Variants in SEPTIN2 observed in about 807,000 individuals in gnomAD.
The protein encoded by SEPTIN2 is septin 2, also known as septin-2.
In SEPTIN2, 34 loss-of-function variants were observed where a neutral mutation model predicts 46.5. The observed-to-expected ratio is 0.73, with a 90% CI of 0.56 to 0.97. SEPTIN2 has a LOEUF of 0.97. Among genes scored for constraint, SEPTIN2 ranks in the 50% least tolerant of loss-of-function variants. SEPTIN2 has a pLI of 0.00. For synonymous variants in SEPTIN2, 175 were observed against 153.4 expected, an observed-to-expected ratio of 1.14 and a Z score of -1.04; for missense variants, 347 against 448.4, an observed-to-expected ratio of 0.77 and a Z score of 2.04.
chr2:241,315,616 A>T (rs2076050298), upstream of SEPTIN2: 1 of 152,276 alleles, frequency 6.6e-6, no homozygotes, highest in Non-Finnish European at 1.5e-5. Context: ...ATAAGGTAGG[A>T]ACTGTGGCGA....
At chr2:241,328,262 C>G (rs1308155526) in intron 3 of SEPTIN2, among the ~76,000 whole-genome samples, 1 of 151,966 alleles carries the variant, frequency 6.6e-6, no homozygotes, top group Non-Finnish European at 1.5e-5. Context: ...TGGCAAAACC[C>G]CATCTCTACT....
chr2:241,329,392 C>T (rs148080684), intron 3 of SEPTIN2, among the ~76,000 whole-genome samples: 4 of 152,080 alleles, frequency 2.6e-5, no homozygotes, highest in South Asian at 2.1e-4. Flanking sequence ...CCTCTCAAAG[C>T]GCTAGGATTA....
intron 9 of SEPTIN2, among the ~76,000 whole-genome samples, chr2:241,344,382 C>T (rs1559659880): frequency 6.6e-6 from 1 of 152,142 alleles, no homozygotes; most frequent in Non-Finnish European, 1.5e-5. Context: ...ACAGACCTGA[C>T]TACAAAAATA....
chr2:241,331,591 A>T (rs369309918), intron 3 of SEPTIN2, among the ~76,000 whole-genome samples: 1 of 152,176 alleles, frequency 6.6e-6, no homozygotes, highest in Admixed American at 6.5e-5. Flanking sequence ...GCATTTTGTC[A>T]TATTGGCCAG....
intron 6 of SEPTIN2, 30 bp downstream of exon 6, chr2:241,337,546 T>C (rs759511312): frequency 6.2e-7 from 1 of 1,610,848 alleles, no homozygotes; most frequent in African/African-American, 1.3e-5. Context: ...GGAGAAATGC[T>C]TTACTACATG....
intron 1 of SEPTIN2, chr2:241,317,403 C>A: frequency 3.8e-6 from 1 of 266,066 alleles, no homozygotes; most frequent in Non-Finnish European, 5.8e-6. Context: ...TTCTGACTGG[C>A]TCTTAAACTA....
intron 7 of SEPTIN2, among the ~76,000 whole-genome samples, chr2:241,338,952 T>TA (rs2080821295): frequency 5.0e-5 from 5 of 100,998 alleles, no homozygotes; most frequent in East Asian, 2.5e-4. Flanking sequence ...ATATTATATA[T>TA]ATAATATATA....
Position 241,333,745 on chromosome 2 carries a change from C to T in SEPTIN2, c.131-1381C>T, listed in dbSNP as rs1041622885. Reference sequence around the variant, plus strand: ...GTCTTGAACTCCTGACCTCATGATCCGCCTGCCTCGGCCTCCCAAAGTGCT... The same window carrying T: ...GTCTTGAACTCCTGACCTCATGATCTGCCTGCCTCGGCCTCCCAAAGTGCT... On this transcript the variant is annotated intron_variant, in intron 3 of 12. Transcript: ENST00000391971. Among the ~76,000 whole-genome samples the T allele has an allele frequency of 5.3e-5, 8 of 152,224 alleles. No homozygotes were observed. In the East Asian group the frequency reaches 1.2e-3, roughly 22 times the overall value.
intron 3 of SEPTIN2, among the ~76,000 whole-genome samples, chr2:241,332,463 A>G (rs554154727): frequency 6.2e-4 from 94 of 152,344 alleles, no homozygotes; most frequent in African/African-American, 2.1e-3. Context: ...CATTGAAACC[A>G]TGAGATGCCA....
rs754791289 is a variant in SEPTIN2, at chr2:241,337,432, A to T, written c.392A>T (p.His131Leu). Residue 131 changes from histidine (H) to leucine (L), a missense_variant, in exon 6 of 13, where the codon CAT becomes CTT. His to Leu is a moderately conservative substitution (Grantham distance 99, BLOSUM62 -3). Transcript: ENST00000391971. The part of the protein sequence containing the change: ...YIDEQFERYL[H>L]DESGLNRRHI... ...GATGAGCAATTTGAGAGGTACCTGC[A>T]TGACGAGAGCGGCTTGAACAGGCGG... 2 of 1,614,116 alleles carry T rather than the reference A, an allele frequency of 1.2e-6. No homozygotes were observed. The highest frequency in any genetic ancestry group is 3.3e-5 in the Admixed American group (2 of 60,010).
Position 241,326,010 on chromosome 2 carries a change from T to A in SEPTIN2, c.27T>A (p.Phe9Leu). The A allele has an allele frequency of 1.2e-6, 2 of 1,613,254 alleles. No individual in the cohort carries two copies. The highest frequency in any genetic ancestry group is 1.7e-6 in the Non-Finnish European group (2 of 1,179,656). The stretch of plus-strand genomic sequence containing the variant: ...TTATTTAGCAACAGCCAACTCAGTT[T>A]ATAAATCCAGAAACACCTGGCTATG... MSKQQPTQFINPETPGYVG... is the reference protein window; with the variant it reads MSKQQPTQLINPETPGYVG... Residue 9 changes from phenylalanine (F) to leucine (L), a missense_variant, in exon 3 of 13, where the codon TTT becomes TTA. Coordinates refer to ENST00000391971, the MANE Select transcript of SEPTIN2 (RefSeq NM_004404.5).
chr2:241,325,605 C>T (rs919599820), intron 2 of SEPTIN2, among the ~76,000 whole-genome samples: 2 of 152,164 alleles, frequency 1.3e-5, no homozygotes, highest in African/African-American at 2.4e-5. Context: ...ATTCAAAGTA[C>T]TGTCAGCTGT....
chr2:241,343,534 G>A (rs1326471799), intron 8 of SEPTIN2, among the ~76,000 whole-genome samples: 1 of 152,088 alleles, frequency 6.6e-6, no homozygotes, highest in East Asian at 1.9e-4. Context: ...ATCACCTAAA[G>A]CTTAGAAATT....
intron 11 of SEPTIN2, among the ~76,000 whole-genome samples, chr2:241,349,789 C>T (rs1022819975): frequency 6.6e-6 from 1 of 152,164 alleles, no homozygotes; most frequent in South Asian, 2.1e-4. Context: ...CCACTGCACT[C>T]CAGCCTAGGA....
At position 241,343,831 on chromosome 2, in the gene SEPTIN2, C is replaced by T; in HGVS notation, c.776C>T (p.Pro259Leu). 6.2e-7 allele frequency: 1 copy of T among 1,614,218 alleles called. No homozygotes were observed. Among genetic ancestry groups the T allele is most frequent in the Non-Finnish European group, 8.5e-7 (1 of 1,180,040 alleles). ...AAGAAGGTCAGAGGCCGCCTCTACC[C>T]CTGGGGTGTTGTGGAAGTGGAGAAC... The part of the protein sequence containing the change: ...KGKKVRGRLY[P>L]WGVVEVENPE... Residue 259 changes from proline (P) to leucine (L), a missense_variant, in exon 9 of 13, where the codon CCC (proline) becomes CTC (leucine). Physicochemically the swap from Pro to Leu is moderately conservative, Grantham distance 98. Coordinates refer to ENST00000391971, the MANE Select transcript of SEPTIN2 (RefSeq NM_004404.5).
At chr2:241,320,278 C>T (rs2076949865) in intron 1 of SEPTIN2, 1 of 471,054 alleles carries the variant, frequency 2.1e-6, no homozygotes, top group Non-Finnish European at 4.4e-6. Context: ...AGTCTTGGTC[C>T]TTTTCATTGG....
intron 4 of SEPTIN2, chr2:241,335,435 T>C: frequency 7.9e-7 from 1 of 1,269,956 alleles, no homozygotes; most frequent in African/African-American, 1.5e-5. Flanking sequence ...CTCTTGAGTT[T>C]GTCTGTAAAA....
intron 4 of SEPTIN2, 87 bp from the exon 5 acceptor site, chr2:241,335,888 T>C (rs751046268): frequency 6.4e-7 from 1 of 1,550,444 alleles, no homozygotes; most frequent in Non-Finnish European, 8.9e-7. Flanking sequence ...AGAGAGGCAG[T>C]AGACTCTGAA....
chr2:241,324,579 G>T, intron 2 of SEPTIN2: 1 of 383,114 alleles, frequency 2.6e-6, no homozygotes. Context: ...TAAATTCGGG[G>T]TTTCACCGTG....
Sources: allele counts gnomAD v4.1 joint callset (sites outside exome capture counted in the v4.1 genomes callset), GRCh38; gene constraint gnomAD v4.1.1; transcripts MANE v1.5; gene names NCBI Gene and HGNC (gene_info 2026-07-23, HGNC 2026-07-21).